Variants in TMEM184B observed in about 807,000 individuals in gnomAD.
The protein encoded by TMEM184B is transmembrane protein 184B.
In TMEM184B, 17 loss-of-function variants were observed where a neutral mutation model predicts 41.8. That is an observed-to-expected ratio of 0.41 (90% CI 0.28 to 0.61). The LOEUF (loss-of-function observed/expected upper bound fraction) is 0.61. Ranked by LOEUF, TMEM184B falls within the 20% of genes least tolerant of loss-of-function variation. The pLI is 0.34. For missense variants in TMEM184B, 393 were observed against 557.8 expected (o/e 0.70, Z 2.98); for synonymous variants, 240 against 229.5 (o/e 1.05, Z -0.41).
intron 5 of TMEM184B, among the ~76,000 whole-genome samples, 197 bp downstream of exon 5, chr22:38,230,472 G>C (rs899234343): frequency 6.6e-6 from 1 of 152,216 alleles, no homozygotes; most frequent in Non-Finnish European, 1.5e-5. Flanking sequence ...GACACTCCCA[G>C]GATGTCGGTC....
intron 1 of TMEM184B, among the ~76,000 whole-genome samples, chr22:38,267,534 G>A (rs1000055199): frequency 6.6e-6 from 1 of 151,804 alleles, no homozygotes; most frequent in South Asian, 2.1e-4. Flanking sequence ...CCAGGTTCAG[G>A]CAATTCTCCT....
intron 3 of TMEM184B, 117 bp downstream of exon 3, chr22:38,245,818 G>A: frequency 9.3e-7 from 1 of 1,080,726 alleles, no homozygotes. Flanking sequence ...AGTAGGTAAA[G>A]CAGCAAGGGG....
At chr22:38,264,781 G>C (rs1047939431) in intron 1 of TMEM184B, among the ~76,000 whole-genome samples, 1 of 152,152 alleles carries the variant, frequency 6.6e-6, no homozygotes, top group Non-Finnish European at 1.5e-5. Flanking sequence ...GGGAAAAGAA[G>C]GAAAAGTCTT....
At chr22:38,224,372 C>T (rs925007837) in intron 8 of TMEM184B, among the ~76,000 whole-genome samples, 1 of 152,220 alleles carries the variant, frequency 6.6e-6, no homozygotes, top group Non-Finnish European at 1.5e-5. Context: ...CCTCGGCCTC[C>T]CAAAGTGCTG....
chr22:38,225,547 C>A lies in TMEM184B; in HGVS notation c.664G>T (p.Val222Phe), dbSNP rs891762908. 1.9e-6 allele frequency: 3 copies of A among 1,604,884 alleles called. No homozygotes were observed. Among genetic ancestry groups the A allele is most frequent in the Non-Finnish European group, 2.5e-6 (3 of 1,176,516 alleles). The part of the protein sequence containing the change: ...LYVTIIYNIS[V>F]SLALYALFLF... ...AAGAGGGCGTAGAGGGCCAGGCTGA[C>A]GGAGATGTTGTAGATGATGGTCACG... The change falls in exon 7 of 9, where the codon GTC becomes TTC. Residue 222 changes from valine (V) to phenylalanine (F), a missense_variant. Transcript: ENST00000361906. The surrounding 1 kb of genome is among the most constrained non-coding windows in gnomAD (Gnocchi z 4.4).
intron 1 of TMEM184B, among the ~76,000 whole-genome samples, chr22:38,263,002 A>G (rs2092393320): frequency 6.6e-6 from 1 of 152,172 alleles, no homozygotes; most frequent in African/African-American, 2.4e-5. Context: ...TCTAGGGTTC[A>G]CATGATTCTC....
chr22:38,225,566 G>T lies in TMEM184B; in HGVS notation c.645C>A (p.Thr215=). 1 of 1,606,788 alleles carries T rather than the reference G, an allele frequency of 6.2e-7. No homozygotes were observed. The highest frequency in any genetic ancestry group is 2.3e-5 in the East Asian group (1 of 44,086). ...FDVTSGYLYV[T]IIYNISVSLA... is the part of the protein sequence containing the mutation. The stretch of plus-strand genomic sequence containing the variant: ...GGCTGACGGAGATGTTGTAGATGAT[G>T]GTCACGTAGAGGTAGCCACTGGTGA... The change falls in exon 7 of 9, where the codon ACC becomes ACA. Residue 215 remains threonine, a synonymous_variant. Coordinates refer to ENST00000361906, the MANE Select transcript of TMEM184B (RefSeq NM_012264.5). The surrounding 1 kb of genome is among the most constrained non-coding windows in gnomAD (Gnocchi z 4.4).
intron 3 of TMEM184B, among the ~76,000 whole-genome samples, chr22:38,242,464 C>G (rs979138986): frequency 6.6e-6 from 1 of 151,874 alleles, no homozygotes; most frequent in Admixed American, 6.6e-5. Flanking sequence ...GGCGACAGAG[C>G]GAGACTCCGT....
chr22:38,256,415 T>G (rs556933895), intron 1 of TMEM184B, among the ~76,000 whole-genome samples: 1 of 152,140 alleles, frequency 6.6e-6, no homozygotes, highest in East Asian at 1.9e-4. Flanking sequence ...GTTTTCACCT[T>G]ATTGGCCAGG....
intron 1 of TMEM184B, among the ~76,000 whole-genome samples, chr22:38,254,851 CTTTTTTT>C (rs71195097): frequency 3.8e-5 from 5 of 131,190 alleles, no homozygotes; most frequent in African/African-American, 5.6e-5. Flanking sequence ...TTGGCACTTT[CTTTTTTT>C]TTTTTTTTTT....
At chr22:38,231,731 T>G in intron 3 of TMEM184B, 1 of 368,918 alleles carries the variant, frequency 2.7e-6, no homozygotes, top group South Asian at 2.2e-5. Flanking sequence ...CCGGGCGCAG[T>G]GGCATGCGCC....
At chr22:38,249,846 C>A (rs1181802763) in intron 1 of TMEM184B, among the ~76,000 whole-genome samples, 3 of 152,236 alleles carry the variant, frequency 2.0e-5, no homozygotes, top group Non-Finnish European at 4.4e-5. Flanking sequence ...TGCCATCCAG[C>A]AAACACCTCT....
chr22:38,261,090 C>T (rs2092362736), intron 1 of TMEM184B, among the ~76,000 whole-genome samples: 1 of 152,206 alleles, frequency 6.6e-6, no homozygotes, highest in African/African-American at 2.4e-5. Flanking sequence ...TGCTCCCACT[C>T]CAGCCGCCTG....
rs1358057677 is a variant in TMEM184B at position 38,237,818 on chromosome 22, T to TA, written c.359-6485dup. ...CCTACTGTCTTTTTTTTTTTTTTTT[T>TA]AGACGGAGTTTCGCTCTTGTTGCCC... On this transcript the variant is annotated intron_variant, in intron 3 of 8. Transcript: ENST00000361906. Among the ~76,000 whole-genome samples the TA allele has an allele frequency of 4.6e-3, 699 of 150,844 alleles. 8 individuals are homozygous for TA. Among genetic ancestry groups the TA allele is most frequent in the African/African-American group, 0.016 (667 of 40,750 alleles).
intron 5 of TMEM184B, among the ~76,000 whole-genome samples, chr22:38,228,461 C>T (rs546179414): frequency 3.9e-5 from 6 of 152,334 alleles, no homozygotes; most frequent in African/African-American, 1.4e-4. Context: ...GAATCATCAC[C>T]TGACCATACC....
intron 1 of TMEM184B, among the ~76,000 whole-genome samples, chr22:38,272,016 A>G (rs1312132757): frequency 6.6e-6 from 1 of 152,218 alleles, no homozygotes; most frequent in Non-Finnish European, 1.5e-5. Context: ...TTACAAAAGC[A>G]CCAGCAGTCA....
rs2145648048 is a variant in TMEM184B at position 38,239,691 on chromosome 22, T to C, written c.358+6244A>G. On this transcript the variant is annotated intron_variant, in intron 3 of 8. Transcript: ENST00000361906. The surrounding 1 kb of genome is among the most constrained non-coding windows in gnomAD (Gnocchi z 4.6). Reference sequence around the variant, plus strand: ...CAGAACACGGTCCAGCTGAGGGCAGTAATGGGACAACTTGGAGAAAATCCA... The same window carrying C: ...CAGAACACGGTCCAGCTGAGGGCAGCAATGGGACAACTTGGAGAAAATCCA... 6.6e-6 allele frequency among the ~76,000 whole-genome samples: 1 copy of C among 152,284 alleles called. No homozygotes were observed. Among genetic ancestry groups the C allele is most frequent in the South Asian group, 2.1e-4 (1 of 4,826 alleles).
chr22:38,233,028 C>T (rs576896937), intron 3 of TMEM184B, among the ~76,000 whole-genome samples: 2 of 152,338 alleles, frequency 1.3e-5, no homozygotes, highest in South Asian at 4.1e-4. Context: ...TCGCCTTCCT[C>T]AGGACACAGG....
chr22:38,234,380 C>G (rs2091716338), intron 3 of TMEM184B, among the ~76,000 whole-genome samples: 1 of 152,206 alleles, frequency 6.6e-6, no homozygotes, highest in African/African-American at 2.4e-5. Flanking sequence ...GCCAGGCACA[C>G]AAGGGAGTGA....
Sources: gnomAD v4.1 joint callset for allele counts (sites outside exome capture counted in the v4.1 genomes callset) on GRCh38, gnomAD v4.1.1 for gene constraint, Gnocchi (gnomAD v3.1) non-coding constraint, MANE v1.5 for transcripts, NCBI Gene and HGNC (gene_info 2026-07-23, HGNC 2026-07-21) for gene names.